DYNC1H1: variants seen among roughly 807,000 people sequenced by gnomAD.
DYNC1H1 encodes dynein cytoplasmic 1 heavy chain 1.
DYNC1H1 carries 51 observed loss-of-function variants against 527.1 expected under a neutral mutation model. The ratio of observed to expected loss-of-function variants is 0.10; its 90% CI spans 0.08 to 0.12. DYNC1H1 has a LOEUF of 0.12. Among genes scored for constraint, DYNC1H1 ranks in the 10% least tolerant of loss-of-function variants. The pLI, the probability that DYNC1H1 is intolerant of heterozygous loss-of-function variation, is 1.00. For synonymous variants in DYNC1H1, 2,189 were observed against 2,278.8 expected (o/e 0.96, Z 1.12); for missense variants, 2,771 against 5,971.8 (o/e 0.46, Z 17.66).
At chr14:102,040,467 G>C (rs2048634919) in intron 63 of DYNC1H1, 57 bp downstream of exon 63, 2 of 1,613,334 alleles carry the variant, frequency 1.2e-6, no homozygotes, top group Non-Finnish European at 8.5e-7. Context: ...CCCAGGAAAT[G>C]TAAGGAATTG....
rs1184767952 is a variant in DYNC1H1 at position 102,012,575 on chromosome 14, GAGT to G, written c.7014+109_7014+111del. ...TGGAGTCATGGACCCAGATTCCATG[GAGT>G]AGTGATCATTGTGTAAGTAATTTTC... On this transcript the variant is annotated intron_variant, in intron 34 of 77. Coordinates refer to ENST00000360184, the MANE Select transcript of DYNC1H1 (RefSeq NM_001376.5). The surrounding 1 kb of genome is among the most constrained non-coding windows in gnomAD (Gnocchi z 4.9). 6 of 1,466,134 alleles carry G rather than the reference GAGT, an allele frequency of 4.1e-6. No individual in the cohort carries two copies. The highest frequency in any genetic ancestry group is 1.4e-5 in the African/African-American group (1 of 72,036). The allele number at this position is 1,466,134 out of a possible 1,614,324, so 90.8% of individuals were successfully genotyped here. A position where few individuals can be genotyped will look rare whatever the true frequency, so the allele number is the denominator to read the frequency against.
Position 102,018,206 on chromosome 14 carries a change from A to G in DYNC1H1, c.8178-245A>G, listed in dbSNP as rs2048347424. ...TCTGTAGAGCCAAGATGAGCCTGAA[A>G]TAAGCCTTGGTTATTTTTTCATCTT... is the stretch of plus-strand genomic sequence containing the variant. On this transcript the variant is annotated intron_variant, in intron 40 of 77. Coordinates refer to ENST00000360184, the MANE Select transcript of DYNC1H1 (RefSeq NM_001376.5). The surrounding 1 kb of genome is among the most constrained non-coding windows in gnomAD (Gnocchi z 5.2). 6.6e-6 allele frequency among the ~76,000 whole-genome samples: 1 copy of G among 152,258 alleles called. No homozygotes were observed. The highest frequency in any genetic ancestry group is 2.4e-5 in the African/African-American group (1 of 41,476).
chr14:101,995,383 G>C, intron 15 of DYNC1H1, 83 bp downstream of exon 15: 3 of 1,548,110 alleles, frequency 1.9e-6, no homozygotes, highest in South Asian at 1.1e-5. Context: ...AGGCCGAGGC[G>C]GGCGGATCAC....
At chr14:101,988,242 C>T (rs1227451197) in intron 9 of DYNC1H1, among the ~76,000 whole-genome samples, 1 of 152,180 alleles carries the variant, frequency 6.6e-6, no homozygotes. Flanking sequence ...GTTACCTTTT[C>T]TAGCCCTCCA....
chr14:102,000,776 A>G (rs1339642097), intron 18 of DYNC1H1, 178 bp from the exon 19 acceptor site: 5 of 616,460 alleles, frequency 8.1e-6, no homozygotes, highest in Non-Finnish European at 1.2e-5. Flanking sequence ...GTTTCTCCAT[A>G]TTGGTCAGGC....
At chr14:102,000,434 T>C (rs1047562929) in intron 18 of DYNC1H1, 35 bp downstream of exon 18, 15 of 1,600,624 alleles carry the variant, frequency 9.4e-6, no homozygotes, top group African/African-American at 1.3e-5. Context: ...GTACGTCTAT[T>C]TTAACAGTTA....
rs532578951 is a variant in DYNC1H1, at chr14:102,045,566, G to A, written c.13006+868G>A. ...GCAGAGGTTTCAGTGAGCTGAGAACGCGCCATTGCACTCCAGCTTGGGCAA... is the reference window on the plus strand; with the variant it reads ...GCAGAGGTTTCAGTGAGCTGAGAACACGCCATTGCACTCCAGCTTGGGCAA... On this transcript the variant is annotated intron_variant, in intron 72 of 77. Transcript: ENST00000360184. 5.9e-5 allele frequency among the ~76,000 whole-genome samples: 9 copies of A among 152,034 alleles called. No homozygotes were observed. In the South Asian group the frequency reaches 1.9e-3, roughly 32 times the overall value.
At chr14:101,991,494 T>G in intron 10 of DYNC1H1, 33 bp from the exon 11 acceptor site, 1 of 1,613,918 alleles carries the variant, frequency 6.2e-7, no homozygotes, top group Non-Finnish European at 8.5e-7. Flanking sequence ...GAAAAATAGA[T>G]TGCTGAGTAG....
At position 102,029,177 on chromosome 14, in the gene DYNC1H1, C is replaced by T. The variant is rs1398955844; in HGVS notation, c.9469-362C>T. On this transcript the variant is annotated intron_variant, in intron 48 of 77. Coordinates refer to ENST00000360184, the MANE Select transcript of DYNC1H1 (RefSeq NM_001376.5). This position sits in a 1 kb window ranked among gnomAD's most constrained non-coding sequence, Gnocchi z 5.3. The stretch of plus-strand genomic sequence containing the variant: ...AGAAATCAAGGGACCAGAGCAGTTT[C>T]TCACATCAGGCCTGCCTTGCCCCTT... 3.1e-6 allele frequency: 1 copy of T among 323,072 alleles called. No homozygotes were observed. Among genetic ancestry groups the T allele is most frequent in the African/African-American group, 2.2e-5 (1 of 46,404 alleles). The allele number at this position is 323,072 out of a possible 1,614,324, so 20.0% of individuals were successfully genotyped here. A position where few individuals can be genotyped will look rare whatever the true frequency, so the allele number is the denominator to read the frequency against.
rs1252985894 is a variant in DYNC1H1, at chr14:102,011,806, G to A, written c.6619-69G>A. The A allele has an allele frequency of 2.6e-6, 4 of 1,519,800 alleles. No homozygotes were observed. The highest frequency in any genetic ancestry group is 1.4e-5 in the African/African-American group (1 of 73,086). The allele number at this position is 1,519,800 out of a possible 1,614,324, so 94.1% of individuals were successfully genotyped here. ...TTTCTTGCTCACTTTCACAAGAGGT[G>A]GCTGGGCGAGGAGCTGTCCCCATTC... On this transcript the variant is annotated intron_variant, in intron 32 of 77. Transcript: ENST00000360184. This position sits in a 1 kb window ranked among gnomAD's most constrained non-coding sequence, Gnocchi z 5.3.
At position 102,010,133 on chromosome 14, in the gene DYNC1H1, A is replaced by C; in HGVS notation, c.6221+47A>C. 1.9e-6 allele frequency: 3 copies of C among 1,613,292 alleles called. No individual in the cohort carries two copies. The highest frequency in any genetic ancestry group is 2.5e-6 in the Non-Finnish European group (3 of 1,180,028). ...ATAATCATGTTTCTTGCATATGTTAAATGTGTCCATTTAACCTTAAAATTT... is the reference window on the plus strand; with the variant it reads ...ATAATCATGTTTCTTGCATATGTTACATGTGTCCATTTAACCTTAAAATTT... On this transcript the variant is annotated intron_variant, in intron 30 of 77. Transcript: ENST00000360184. The surrounding 1 kb of genome is among the most constrained non-coding windows in gnomAD (Gnocchi z 6.0).
Position 102,041,574 on chromosome 14 carries a change from C to T in DYNC1H1, c.11942C>T (p.Thr3981Ile). 1 of 1,614,062 alleles carries T rather than the reference C, an allele frequency of 6.2e-7. No individual in the cohort carries two copies. Among genetic ancestry groups the T allele is most frequent in the Non-Finnish European group, 8.5e-7 (1 of 1,180,028 alleles). The part of the protein sequence containing the change: ...PYLWSEETPA[T>I]PIGQAIHRLL... ...ACCCACCCCTCTGTACCTGTTTCAG[C>T]ACCCATTGGCCAGGCCATCCACCGC... is the stretch of plus-strand genomic sequence containing the variant. Residue 3981 changes from threonine (T) to isoleucine (I), a missense_variant and splice_region_variant, in exon 65 of 78, where the codon ACA (threonine) becomes ATA (isoleucine). Coordinates refer to ENST00000360184, the MANE Select transcript of DYNC1H1 (RefSeq NM_001376.5). The surrounding 1 kb of genome is among the most constrained non-coding windows in gnomAD (Gnocchi z 4.5).
chr14:101,976,045 T>C (rs1283236187), intron 2 of DYNC1H1, among the ~76,000 whole-genome samples: 2 of 151,474 alleles, frequency 1.3e-5, no homozygotes, highest in Non-Finnish European at 2.9e-5. Flanking sequence ...GTAGCTGGGA[T>C]TGCAGACATG....
In DYNC1H1 at chr14:102,002,946, G is replaced by C; in HGVS notation, c.4864G>C (p.Glu1622Gln). The C allele has an allele frequency of 2.5e-6, 4 of 1,614,168 alleles. No homozygotes were observed. The highest frequency in any genetic ancestry group is 3.4e-6 in the Non-Finnish European group (4 of 1,180,046). The change falls in exon 23 of 78, where the codon GAG becomes CAG. Residue 1622 changes from glutamate to glutamine, a missense_variant. By Grantham distance (29) the Glu-to-Gln change is conservative. Coordinates refer to ENST00000360184, the MANE Select transcript of DYNC1H1 (RefSeq NM_001376.5). This position sits in a 1 kb window ranked among gnomAD's most constrained non-coding sequence, Gnocchi z 4.4. ...QKALGEYLER[E>Q]RSSFPRFYFV... is the part of the protein sequence containing the mutation. The stretch of plus-strand genomic sequence containing the variant: ...AGCATTGGGAGAATATCTGGAAAGA[G>C]AGCGGTCATCTTTCCCCAGGTAAGA...
intron 1 of DYNC1H1, among the ~76,000 whole-genome samples, chr14:101,973,966 T>G (rs2047769959): frequency 6.6e-6 from 1 of 152,196 alleles, no homozygotes; most frequent in African/African-American, 2.4e-5. Flanking sequence ...CTCAATATTC[T>G]ACTGCCTGCT....
intron 15 of DYNC1H1, among the ~76,000 whole-genome samples, chr14:101,995,658 C>G (rs1486331011): frequency 1.3e-5 from 2 of 151,406 alleles, no homozygotes; most frequent in African/African-American, 4.9e-5. Context: ...AATTTGGCTT[C>G]TATAGTATTT....
rs778695974 is a variant in DYNC1H1, at chr14:102,006,121, T to C, written c.5667T>C (p.Tyr1889=). Residue 1889 remains tyrosine (Y), a synonymous_variant, in exon 27 of 78, where the codon TAT becomes TAC. Coordinates refer to ENST00000360184, the MANE Select transcript of DYNC1H1 (RefSeq NM_001376.5). ...AGACCCCCCTCACTGACCGCTGCTA[T>C]TTGACAATGACACAAGCCTTGGAGG... The part of the protein sequence containing the change: ...LVQTPLTDRC[Y]LTMTQALEAR... 1 of 1,614,228 alleles carries C rather than the reference T, an allele frequency of 6.2e-7. No individual in the cohort carries two copies. Among genetic ancestry groups the C allele is most frequent in the Admixed American group, 1.7e-5 (1 of 60,036 alleles).
At position 102,055,878 on chromosome 14, in the gene DYNC1H1, TG is replaced by T; in HGVS notation, c.*5317del. 1 of 152,518 alleles carries T rather than the reference TG, an allele frequency of 6.6e-6. No homozygotes were observed. Among genetic ancestry groups the T allele is most frequent in the Non-Finnish European group, 1.5e-5 (1 of 68,172 alleles). 9.4% of individuals were successfully genotyped at this position (152,518 alleles called of 1,614,324 possible). A position where few individuals can be genotyped will look rare whatever the true frequency, so the allele number is the denominator to read the frequency against. ...CGCTATTCCATCTCAATCTCTGCCC[TG>T]GCCCCCAGCCCAGCATCCACTCTCA... On this transcript the variant is annotated 3_prime_UTR_variant, in exon 78 of 78. Coordinates refer to ENST00000360184, the MANE Select transcript of DYNC1H1 (RefSeq NM_001376.5).
Position 102,029,432 on chromosome 14 carries a change from A to G in DYNC1H1, c.9469-107A>G. The stretch of plus-strand genomic sequence containing the variant: ...CTCGAGTGTTCTGGCCCCGAGGGCC[A>G]GGCTCCTTCTATCATGTCACACCCA... On this transcript the variant is annotated intron_variant, in intron 48 of 77. Transcript: ENST00000360184. This position sits in a 1 kb window ranked among gnomAD's most constrained non-coding sequence, Gnocchi z 5.3. 6.8e-7 allele frequency: 1 copy of G among 1,480,732 alleles called. No individual in the cohort carries two copies. The highest frequency in any genetic ancestry group is 9.3e-7 in the Non-Finnish European group (1 of 1,076,368). 91.7% of individuals were successfully genotyped at this position (1,480,732 alleles called of 1,614,324 possible).
Sources: allele counts gnomAD v4.1 joint callset (sites outside exome capture counted in the v4.1 genomes callset), GRCh38; gene constraint gnomAD v4.1.1; non-coding constraint Gnocchi (gnomAD v3.1); transcripts MANE v1.5; gene names NCBI Gene and HGNC (gene_info 2026-07-23, HGNC 2026-07-21).